Variants in ROPN1 observed in about 807,000 individuals in gnomAD.
ROPN1 encodes rhophilin associated tail protein 1, also known as ropporin-1A.
Under a neutral mutation model 20.5 loss-of-function variants are expected in ROPN1, and 14 were observed. That is an observed-to-expected ratio of 0.68 (90% CI 0.45 to 1.07). The LOEUF (loss-of-function observed/expected upper bound fraction) is 1.07, where lower values mean the gene tolerates loss of function less well. Among genes scored for constraint, ROPN1 ranks in the 50% least tolerant of loss-of-function variants. The pLI is 0.00. For synonymous variants in ROPN1, 76 were observed against 95.7 expected, an observed-to-expected ratio of 0.79 and a Z score of 1.20; for missense variants, 169 against 242.8, an observed-to-expected ratio of 0.70 and a Z score of 2.02.
chr3:123,982,072 C>A (rs1223874326), intron 1 of ROPN1, among the ~76,000 whole-genome samples: 2 of 151,668 alleles, frequency 1.3e-5, no homozygotes. Flanking sequence ...ATAGGTACAC[C>A]TGAAAAAATG....
rs113100460 is a variant in ROPN1 at position 123,970,179 on chromosome 3, T to C, written c.435A>G (p.Leu145=). The C allele has an allele frequency of 2.3e-3, 3,735 of 1,614,108 alleles. 83 individuals are homozygous for C. In the African/African-American group the frequency reaches 0.045, roughly 20 times the overall value. ...TKTLKIVCEV[L]SCDHNGGSPR... ...GCGACCCACCATTATGGTCACATGA[T>C]AAGACCTCACACACTATCTTGAGAG... is the stretch of plus-strand genomic sequence containing the variant. The change falls in exon 5 of 6, where the codon TTA becomes TTG. Residue 145 remains leucine (L), a synonymous_variant. Transcript: ENST00000405845.
intron 1 of ROPN1, among the ~76,000 whole-genome samples, chr3:123,986,519 C>G (rs1318774220): frequency 6.6e-6 from 1 of 151,978 alleles, no homozygotes; most frequent in African/African-American, 2.4e-5. Flanking sequence ...GTCCTGCAAG[C>G]AGGGGTGGTT....
In ROPN1 at chr3:123,980,785, A is replaced by T. The variant is rs749776577; in HGVS notation, c.-12-292T>A. The T allele has an allele frequency of 2.3e-5, 7 of 303,986 alleles. No individual in the cohort carries two copies. In the Admixed American group the frequency reaches 2.7e-4, roughly 12 times the overall value. 18.8% of individuals were successfully genotyped at this position (303,986 alleles called of 1,614,324 possible). On this transcript the variant is annotated intron_variant, in intron 1 of 5. Coordinates refer to ENST00000405845, the MANE Select transcript of ROPN1 (RefSeq NM_001317774.2). ...GATATCGCCCCAAAATAATGATATC[A>T]CCCCCCAAAATCCAGAATTTTTCAG...
At chr3:123,973,596 C>G (rs541107866) in intron 4 of ROPN1, among the ~76,000 whole-genome samples, 1 of 152,232 alleles carries the variant, frequency 6.6e-6, no homozygotes, top group South Asian at 2.1e-4. Flanking sequence ...GCATCTACAC[C>G]GTGGGCTAAG....
chr3:123,974,832 G>A (rs1436934972), intron 4 of ROPN1: 1 of 165,120 alleles, frequency 6.1e-6, no homozygotes, highest in Non-Finnish European at 1.3e-5. Context: ...TATCAAACAA[G>A]TCAAATTTGG....
Position 123,990,447 on chromosome 3 carries a change from G to T in ROPN1, c.-13+1475C>A, listed in dbSNP as rs2332718. On this transcript the variant is annotated intron_variant, in intron 1 of 5. Coordinates refer to ENST00000405845, the MANE Select transcript of ROPN1 (RefSeq NM_001317774.2). ...AATAGAAAACACTAAAGGAGGGTCAGGTCAAATTATCCCCCCATGTTCCCA... is the reference window on the plus strand; with the variant it reads ...AATAGAAAACACTAAAGGAGGGTCATGTCAAATTATCCCCCCATGTTCCCA... Among the ~76,000 whole-genome samples the T allele has an allele frequency of 2.6e-3, 400 of 152,222 alleles. 3 individuals are homozygous for T. Among genetic ancestry groups the T allele is most frequent in the African/African-American group, 9.1e-3 (376 of 41,534 alleles).
At chr3:123,988,265 C>T (rs2038313828) in intron 1 of ROPN1, among the ~76,000 whole-genome samples, 1 of 152,144 alleles carries the variant, frequency 6.6e-6, no homozygotes. Flanking sequence ...CCTGCCTCAA[C>T]CTCCTGAATA....
intron 1 of ROPN1, chr3:123,980,761 A>G (rs756505250): frequency 5.8e-6 from 2 of 346,956 alleles, no homozygotes; most frequent in Non-Finnish European, 1.0e-5. Flanking sequence ...TTCCCTAATG[A>G]TATCGCCCCA....
chr3:123,975,642 C>G, intron 3 of ROPN1, 102 bp from the exon 4 acceptor site: 1 of 650,500 alleles, frequency 1.5e-6, no homozygotes, highest in Non-Finnish European at 2.7e-6. Flanking sequence ...TCTCCCAGCA[C>G]ATGGCAAGGG....
intron 1 of ROPN1, among the ~76,000 whole-genome samples, chr3:123,984,429 A>G (rs936428194): frequency 2.6e-5 from 4 of 152,008 alleles, no homozygotes; most frequent in Non-Finnish European, 5.9e-5. Flanking sequence ...ACTAAATCCC[A>G]CTATTTCCTT....
At chr3:123,985,036 A>G (rs1176203945) in intron 1 of ROPN1, among the ~76,000 whole-genome samples, 1 of 152,204 alleles carries the variant, frequency 6.6e-6, no homozygotes, top group Non-Finnish European at 1.5e-5. Flanking sequence ...GCTCCCCACT[A>G]GAGGCCATGG....
chr3:123,974,556 A>G (rs1484974308), intron 4 of ROPN1: 1 of 152,254 alleles, frequency 6.6e-6, no homozygotes, highest in Non-Finnish European at 1.5e-5. Context: ...TGAGAAGAAC[A>G]AGATTATGTT....
chr3:123,979,579 A>G (rs577176517), intron 2 of ROPN1: 10 of 372,536 alleles, frequency 2.7e-5, no homozygotes, highest in South Asian at 1.6e-4. Context: ...AGCTACTTCA[A>G]TCCAGGCCCG....
intron 4 of ROPN1, among the ~76,000 whole-genome samples, chr3:123,971,989 T>C (rs746917528): frequency 6.6e-6 from 1 of 152,158 alleles, no homozygotes; most frequent in Non-Finnish European, 1.5e-5. Context: ...CCACCAGACA[T>C]GTAGGCACAG....
chr3:123,975,711 C>T, intron 3 of ROPN1, 171 bp from the exon 4 acceptor site: 1 of 668,018 alleles, frequency 1.5e-6, no homozygotes, highest in Non-Finnish European at 2.6e-6. Context: ...CTTTGCAAAT[C>T]CTAGTGAAGA....
At chr3:123,988,938 A>G (rs1194595751) in intron 1 of ROPN1, among the ~76,000 whole-genome samples, 1 of 152,004 alleles carries the variant, frequency 6.6e-6, no homozygotes, top group Non-Finnish European at 1.5e-5. Flanking sequence ...AAACTCTTGG[A>G]TGAGGCATCT....
chr3:123,969,244 G>T (rs778359675), intron 5 of ROPN1, 23 bp from the exon 6 acceptor site: 1 of 1,562,580 alleles, frequency 6.4e-7, no homozygotes, highest in Admixed American at 1.7e-5. Context: ...AGGTATATCT[G>T]CAGTTAGTTC....
chr3:123,976,788 G>A, intron 3 of ROPN1, 76 bp downstream of exon 3: 1 of 1,431,918 alleles, frequency 7.0e-7, no homozygotes, highest in Non-Finnish European at 9.6e-7. Flanking sequence ...CAGGAGAACA[G>A]AGGGCTTTTT....
chr3:123,991,039 G>A (rs1412881237), intron 1 of ROPN1: 1 of 152,186 alleles, frequency 6.6e-6, no homozygotes, highest in Non-Finnish European at 1.5e-5. Context: ...AATTGGAGAT[G>A]GTGGGTTTGG....
Sources: allele counts gnomAD v4.1 joint callset (sites outside exome capture counted in the v4.1 genomes callset), GRCh38; gene constraint gnomAD v4.1.1; transcripts MANE v1.5; gene names NCBI Gene and HGNC (gene_info 2026-07-23, HGNC 2026-07-21).